The following PHACTR2 variants were observed in gnomAD, a reference collection of about 807,000 sequenced individuals.
PHACTR2 encodes the protein phosphatase and actin regulator 2.
PHACTR2 carries 30 observed loss-of-function variants against 76.0 expected under a neutral mutation model. The observed-to-expected ratio is 0.39, with a 90% CI of 0.30 to 0.54. PHACTR2 has a LOEUF of 0.54. PHACTR2 is among the 20% of genes least tolerant of loss of function. The pLI, the probability that PHACTR2 is intolerant of heterozygous loss-of-function variation, is 0.61. For missense variants in PHACTR2, 696 were observed against 781.1 expected (o/e 0.89, Z 1.30); for synonymous variants, 292 against 292.5 (o/e 1.00, Z 0.02).
chr6:143,580,771 G>A lies in PHACTR2; in HGVS notation c.217+43564G>A, dbSNP rs1775563338. 6.6e-6 allele frequency among the ~76,000 whole-genome samples: 1 copy of A among 152,224 alleles called. No individual in the cohort carries two copies. Among genetic ancestry groups the A allele is most frequent in the African/African-American group, 2.4e-5 (1 of 41,458 alleles). On this transcript the variant is annotated intron_variant, in intron 1 of 11. Transcript: ENST00000367584. This position sits in a 1 kb window ranked among gnomAD's most constrained non-coding sequence, Gnocchi z 4.2. ...TGGCTGAAGGAACGTGAAGATAAAT[G>A]TCTCTGAAGACAAGAAGGTGAGATA...
Position 143,592,369 on chromosome 6 carries a change from A to C in PHACTR2, c.217+55162A>C, listed in dbSNP as rs1373362685. Among the ~76,000 whole-genome samples, 1 of 152,126 alleles carries C rather than the reference A, an allele frequency of 6.6e-6. No homozygotes were observed. Among genetic ancestry groups the C allele is most frequent in the Non-Finnish European group, 1.5e-5 (1 of 68,016 alleles). ...TACTATTGTTTAGTAAGTTTTCTAG[A>C]GCTTTACCCAATTTCAGGAAAAGGT... is the stretch of plus-strand genomic sequence containing the variant. On this transcript the variant is annotated intron_variant, in intron 1 of 11. Coordinates refer to the PHACTR2 transcript ENST00000367584. This position sits in a 1 kb window ranked among gnomAD's most constrained non-coding sequence, Gnocchi z 4.0.
At chr6:143,660,271 T>TTA (rs575923230) in intron 1 of PHACTR2, among the ~76,000 whole-genome samples, 84 of 151,098 alleles carry the variant, frequency 5.6e-4, no homozygotes, top group African/African-American at 2.0e-3. Context: ...TTTATTGGAC[T>TTA]TAGAGTTCTA....
chr6:143,661,989 A>G (rs1776954814), intron 1 of PHACTR2, among the ~76,000 whole-genome samples: 1 of 152,208 alleles, frequency 6.6e-6, no homozygotes, highest in Non-Finnish European at 1.5e-5. Flanking sequence ...CAATATTCCA[A>G]GCACATTTTG....
chr6:143,761,954 T>G lies in PHACTR2; in HGVS notation c.694+1314T>G, dbSNP rs1166430808. 6.6e-6 allele frequency among the ~76,000 whole-genome samples: 1 copy of G among 152,166 alleles called. No homozygotes were observed. Among genetic ancestry groups the G allele is most frequent in the Non-Finnish European group, 1.5e-5 (1 of 68,016 alleles). On this transcript the variant is annotated intron_variant, in intron 5 of 12. Coordinates refer to ENST00000440869, the MANE Select transcript of PHACTR2 (RefSeq NM_001100164.2). The surrounding 1 kb of genome is among the most constrained non-coding windows in gnomAD (Gnocchi z 5.2). ...TCCCTGTGCTCCTCATGTCCCGCCT[T>G]TGACCTTTAGTGTCTGGGTCTCTTC... is the stretch of plus-strand genomic sequence containing the variant.
chr6:143,613,028 G>GT (rs1776003941), intron 1 of PHACTR2, among the ~76,000 whole-genome samples: 1 of 152,214 alleles, frequency 6.6e-6, no homozygotes, highest in Non-Finnish European at 1.5e-5. Context: ...TCGCCCGGGA[G>GT]TGCGGTGGCG....
intron 1 of PHACTR2, among the ~76,000 whole-genome samples, chr6:143,650,309 C>T (rs561625456): frequency 3.9e-5 from 6 of 152,128 alleles, no homozygotes; most frequent in East Asian, 3.9e-4. Flanking sequence ...AAACTGCCAT[C>T]GACAATCTTC....
At chr6:143,741,766 A>G (rs1778948257) in intron 2 of PHACTR2, among the ~76,000 whole-genome samples, 1 of 152,088 alleles carries the variant, frequency 6.6e-6, no homozygotes, top group African/African-American at 2.4e-5. Flanking sequence ...TCAAAAACCT[A>G]GAGAATCTGT....
chr6:143,593,188 G>C (rs968971563), intron 1 of PHACTR2, among the ~76,000 whole-genome samples: 3 of 152,076 alleles, frequency 2.0e-5, no homozygotes, highest in Non-Finnish European at 4.4e-5. Context: ...TGTATTAGAT[G>C]CTGGGAATTC....
rs1168784130 is a variant in PHACTR2, at chr6:143,639,204, A to G, written c.13+30882A>G. Among the ~76,000 whole-genome samples, 1 of 152,260 alleles carries G rather than the reference A, an allele frequency of 6.6e-6. No homozygotes were observed. Among genetic ancestry groups the G allele is most frequent in the Non-Finnish European group, 1.5e-5 (1 of 68,050 alleles). On this transcript the variant is annotated intron_variant, in intron 1 of 11. Coordinates refer to the PHACTR2 transcript ENST00000305766. This position sits in a 1 kb window ranked among gnomAD's most constrained non-coding sequence, Gnocchi z 5.0. ...AGCCACCAATGACATGCTTCATAAA[A>G]TGACAATTGCTGCAAAGTACCTGAA...
At position 143,807,114 on chromosome 6, in the gene PHACTR2, G is replaced by C. The variant is rs1386240370; in HGVS notation, c.1903G>C (p.Glu635Gln). Residue 635 changes from glutamate to glutamine, a missense_variant, in exon 12 of 13, where the codon GAG (glutamate) becomes CAG (glutamine). Coordinates refer to ENST00000440869, the MANE Select transcript of PHACTR2 (RefSeq NM_001100164.2). This position sits in a 1 kb window ranked among gnomAD's most constrained non-coding sequence, Gnocchi z 5.5. ...AAGCACAGAAATGGAAGTTCATGAA[G>C]AGAGTCGACAGTTTACAAGGTAGGT... ...FKSTEMEVHEESRQFTRFHRP is the reference protein window; with the variant it reads ...FKSTEMEVHEQSRQFTRFHRP 6.2e-7 allele frequency: 1 copy of C among 1,605,744 alleles called. No individual in the cohort carries two copies. The highest frequency in any genetic ancestry group is 1.7e-5 in the Admixed American group (1 of 59,658).
chr6:143,756,254 C>T (rs1779295189), intron 4 of PHACTR2, among the ~76,000 whole-genome samples: 1 of 152,144 alleles, frequency 6.6e-6, no homozygotes, highest in African/African-American at 2.4e-5. Flanking sequence ...GCCCCCTGGG[C>T]ATTTCTGGGG....
intron 2 of PHACTR2, among the ~76,000 whole-genome samples, chr6:143,747,949 T>C (rs893962967): frequency 2.0e-5 from 3 of 152,186 alleles, no homozygotes; most frequent in Non-Finnish European, 2.9e-5. Flanking sequence ...GAGATCCTGC[T>C]CCGGAGCTCC....
At chr6:143,638,765 T>C (rs1433761762) in intron 1 of PHACTR2, among the ~76,000 whole-genome samples, 1 of 152,190 alleles carries the variant, frequency 6.6e-6, no homozygotes, top group Admixed American at 6.5e-5. Context: ...TTCCTTCAAA[T>C]ATTTTAAGAA....
rs557020719 is a variant in PHACTR2, at chr6:143,740,249, T to G, written c.215-8736T>G. ...AGTGAGGATGAACAGAGATCACTCTTGTGGCCATCTTGGTTTTGGTGGGTT... is the reference window on the plus strand; with the variant it reads ...AGTGAGGATGAACAGAGATCACTCTGGTGGCCATCTTGGTTTTGGTGGGTT... On this transcript the variant is annotated intron_variant, in intron 2 of 12. Transcript: ENST00000440869. Among the ~76,000 whole-genome samples the G allele has an allele frequency of 1.4e-4, 22 of 152,260 alleles. No individual in the cohort carries two copies. In the East Asian group the frequency reaches 3.9e-3, roughly 27 times the overall value.
intron 2 of PHACTR2, among the ~76,000 whole-genome samples, chr6:143,719,188 G>A (rs1466320275): frequency 2.0e-5 from 3 of 148,684 alleles, no homozygotes; most frequent in Non-Finnish European, 4.5e-5. Flanking sequence ...TGGCCTAGAA[G>A]TGCTTTTATT....
rs115822587 is a variant in PHACTR2, at chr6:143,809,502, C to T, written c.1922+2369C>T. Among the ~76,000 whole-genome samples, 2,128 of 152,120 alleles carry T rather than the reference C, an allele frequency of 0.014. 48 individuals are homozygous for T. Among genetic ancestry groups the T allele is most frequent in the African/African-American group, 0.047 (1,960 of 41,498 alleles). On this transcript the variant is annotated intron_variant, in intron 12 of 12. Transcript: ENST00000440869. This position sits in a 1 kb window ranked among gnomAD's most constrained non-coding sequence, Gnocchi z 4.2. ...TTGTGATTAAAGGCATGAGCCACTG[C>T]ACCTGGCTTCTTTTTTATATATGTA...
intron 1 of PHACTR2, among the ~76,000 whole-genome samples, chr6:143,650,483 C>A (rs1776741726): frequency 6.6e-6 from 1 of 152,080 alleles, no homozygotes; most frequent in Non-Finnish European, 1.5e-5. Flanking sequence ...CAAGAACAGA[C>A]ACATAAACCA....
chr6:143,690,410 T>G (rs966941406), intron 1 of PHACTR2, among the ~76,000 whole-genome samples: 1 of 151,342 alleles, frequency 6.6e-6, no homozygotes, highest in Non-Finnish European at 1.5e-5. Context: ...CCATGCCCCC[T>G]TTTTTTTTCT....
intron 1 of PHACTR2, among the ~76,000 whole-genome samples, chr6:143,630,742 A>C (rs546256496): frequency 6.6e-6 from 1 of 152,346 alleles, no homozygotes; most frequent in South Asian, 2.1e-4. Flanking sequence ...TGCCATTTAT[A>C]CTGGAAAATT....
Sources: gnomAD v4.1 joint callset for allele counts (sites outside exome capture counted in the v4.1 genomes callset) on GRCh38, gnomAD v4.1.1 for gene constraint, Gnocchi (gnomAD v3.1) non-coding constraint, MANE v1.5 for transcripts, NCBI Gene and HGNC (gene_info 2026-07-23, HGNC 2026-07-21) for gene names.